Variants in TTC34 observed in about 807,000 individuals in gnomAD.
TTC34 encodes tetratricopeptide repeat protein 34.
A neutral mutation model predicts 40.7 loss-of-function variants in TTC34; 44 were observed. The observed-to-expected ratio is 1.08, with a 90% CI of 0.85 to 1.39. The LOEUF (loss-of-function observed/expected upper bound fraction) is 1.39, where lower values mean the gene tolerates loss of function less well. Among genes scored for constraint, TTC34 ranks in the 40% most tolerant of loss-of-function variants. TTC34 has a pLI of 0.00. For synonymous variants in TTC34, 422 were observed against 398.6 expected (o/e 1.06, Z -0.70); for missense variants, 884 against 838.0 (o/e 1.05, Z -0.68).
intron 6 of TTC34, among the ~76,000 whole-genome samples, chr1:2,750,162 A>C (rs1569688457): frequency 6.7e-6 from 1 of 150,202 alleles, no homozygotes; most frequent in African/African-American, 2.5e-5. Context: ...CAGAACAAAC[A>C]CCCCCAGGCG....
intron 6 of TTC34, among the ~76,000 whole-genome samples, chr1:2,752,650 C>T (rs1379184860): frequency 7.3e-6 from 1 of 136,764 alleles, no homozygotes; most frequent in Admixed American, 7.4e-5. Flanking sequence ...ACTGCACACA[C>T]ACCCCCAGGC....
intron 6 of TTC34, among the ~76,000 whole-genome samples, chr1:2,655,534 C>G (rs1480809214): frequency 6.9e-6 from 1 of 145,112 alleles, no homozygotes; most frequent in African/African-American, 2.6e-5. Flanking sequence ...GCACGCACAC[C>G]CCCAGTGAGC....
intron 6 of TTC34, among the ~76,000 whole-genome samples, chr1:2,680,903 C>G (rs1377256498): frequency 5.6e-5 from 7 of 124,172 alleles, no homozygotes; most frequent in Admixed American, 4.0e-4. Flanking sequence ...AGTGACCACA[C>G]CTCCAGGTGA....
chr1:2,681,688 T>A (rs1187178709), intron 6 of TTC34, among the ~76,000 whole-genome samples: 1 of 86,198 alleles, frequency 1.2e-5, no homozygotes, highest in African/African-American at 3.6e-5. Context: ...TTTGACAGCC[T>A]GGAACAGCAC....
intron 6 of TTC34, among the ~76,000 whole-genome samples, chr1:2,779,125 C>T (rs185837954): frequency 6.6e-6 from 1 of 152,276 alleles, no homozygotes; most frequent in African/African-American, 2.4e-5. Flanking sequence ...TTGAATAATT[C>T]CCCATTGTAT....
At chr1:2,687,610 C>G (rs1486078843) in intron 6 of TTC34, among the ~76,000 whole-genome samples, 1 of 145,944 alleles carries the variant, frequency 6.9e-6, no homozygotes, top group Non-Finnish European at 1.5e-5. Context: ...CCCACACCCC[C>G]AGGTGAGCAG....
chr1:2,773,077 A>T (rs1427943330), intron 6 of TTC34, among the ~76,000 whole-genome samples: 3 of 149,962 alleles, frequency 2.0e-5, no homozygotes, highest in Middle Eastern at 3.6e-3. Flanking sequence ...AGCCTCTGAC[A>T]GCCTGGAGCA....
chr1:2,756,629 C>T (rs1217340456), intron 6 of TTC34, among the ~76,000 whole-genome samples: 1 of 68,770 alleles, frequency 1.5e-5, no homozygotes, highest in East Asian at 5.0e-4. Context: ...ACCCACACCC[C>T]CAGGTGAGCA....
At chr1:2,793,265 A>G (rs1643681927) in intron 2 of TTC34, among the ~76,000 whole-genome samples, 1 of 152,174 alleles carries the variant, frequency 6.6e-6, no homozygotes, top group Non-Finnish European at 1.5e-5. Flanking sequence ...GATGCTGAAT[A>G]TTGTTCACAT....
In TTC34 at chr1:2,800,142, AG is replaced by A; in HGVS notation, c.685del (p.Leu229CysfsTer126). On this transcript the variant is annotated frameshift_variant, in exon 2 of 9. Transcript: ENST00000401095. LOFTEE classifies it high-confidence loss of function. ...GCTGTGGAGCAGAGCTTCAGGTGAC[AG>A]GGTGTCACTCCGGGTGCCCCTGGGG... 2.5e-6 allele frequency: 1 copy of A among 398,560 alleles called. No individual in the cohort carries two copies. Among genetic ancestry groups the A allele is most frequent in the Non-Finnish European group, 4.4e-6 (1 of 226,014 alleles). 24.7% of individuals were successfully genotyped at this position (398,560 alleles called of 1,614,324 possible).
intron 2 of TTC34, among the ~76,000 whole-genome samples, chr1:2,792,357 A>G (rs1364165517): frequency 6.6e-6 from 1 of 152,120 alleles, no homozygotes; most frequent in African/African-American, 2.4e-5. Flanking sequence ...TTCAATCGTT[A>G]GGTCCACATT....
At chr1:2,697,560 C>T (rs1161559828) in intron 6 of TTC34, among the ~76,000 whole-genome samples, 1 of 152,188 alleles carries the variant, frequency 6.6e-6, no homozygotes, top group African/African-American at 2.4e-5. Context: ...GGAACCGCAC[C>T]CACACCCCCA....
chr1:2,751,060 TCTGACAGACTG>T (rs1641303201), intron 6 of TTC34, among the ~76,000 whole-genome samples: 1 of 112,366 alleles, frequency 8.9e-6, no homozygotes, highest in Non-Finnish European at 1.7e-5. Context: ...CAGGTGAGCA[TCTGACAGACTG>T]GAACACCTCC....
intron 6 of TTC34, among the ~76,000 whole-genome samples, chr1:2,752,381 G>A (rs1310018154): frequency 7.7e-6 from 1 of 130,688 alleles, no homozygotes; most frequent in Non-Finnish European, 1.6e-5. Context: ...CCCCAGGCGA[G>A]CATCTGAGAG....
At chr1:2,687,564 C>T (rs916428133) in intron 6 of TTC34, among the ~76,000 whole-genome samples, 15 of 131,088 alleles carry the variant, frequency 1.1e-4, no homozygotes, top group Non-Finnish European at 1.6e-5. Flanking sequence ...CAGCACGCTG[C>T]ACCGCCAGGT....
intron 6 of TTC34, among the ~76,000 whole-genome samples, chr1:2,773,255 C>T: frequency 7.8e-6 from 1 of 128,822 alleles, no homozygotes; most frequent in South Asian, 2.8e-4. Flanking sequence ...GCAGCACCCA[C>T]ACCCCCAGGT....
At chr1:2,775,895 G>C (rs1264228276) in intron 6 of TTC34, among the ~76,000 whole-genome samples, 1 of 136,664 alleles carries the variant, frequency 7.3e-6, no homozygotes, top group Non-Finnish European at 1.5e-5. Flanking sequence ...TCCTCACCTG[G>C]GGATGGAAGG....
intron 6 of TTC34, among the ~76,000 whole-genome samples, chr1:2,759,875 C>G (rs1401633548): frequency 0.14 from 7,129 of 51,560 alleles, 7 homozygotes; most frequent in Admixed American, 0.17. Flanking sequence ...GAGTAGTATC[C>G]TGCACCCTCA....
chr1:2,777,345 G>A (rs1256560425), intron 6 of TTC34, among the ~76,000 whole-genome samples: 2 of 145,732 alleles, frequency 1.4e-5, no homozygotes, highest in Admixed American at 6.8e-5. Context: ...TCCAGGGGGA[G>A]CATCTGACAG....
Sources: allele counts gnomAD v4.1 joint callset (sites outside exome capture counted in the v4.1 genomes callset), GRCh38; gene constraint gnomAD v4.1.1; transcripts MANE v1.5; gene names NCBI Gene and HGNC (gene_info 2026-07-23, HGNC 2026-07-21).